DMD: variants seen among roughly 807,000 people sequenced by gnomAD.
DMD encodes the protein dystrophin, also known as mutant dystrophin.
In DMD, 63 loss-of-function variants were observed where a neutral mutation model predicts 330.1. The ratio of observed to expected loss-of-function variants is 0.19; its 90% CI spans 0.16 to 0.24. The LOEUF is 0.24. Ranked by LOEUF, DMD falls within the 10% of genes least tolerant of loss-of-function variation. The pLI is 1.00. For synonymous variants in DMD, 1,223 were observed against 959.8 expected (o/e 1.27, Z -5.07); for missense variants, 3,344 against 2,684.1 (o/e 1.25, Z -5.43).
intron 50 of DMD, among the ~76,000 whole-genome samples, chrX:31,803,553 G>A (rs755644078): frequency 1.4e-4 from 16 of 110,384 alleles, no homozygotes; most frequent in African/African-American, 4.6e-4. Context: ...CAGCACAATC[G>A]CCTCCATCTC....
At chrX:31,483,265 C>T (rs1317805132) in intron 57 of DMD, among the ~76,000 whole-genome samples, 1 of 109,281 alleles carries the variant, frequency 9.2e-6, no homozygotes, top group Non-Finnish European at 1.9e-5. Flanking sequence ...CCAGGATGGT[C>T]TCCATCTCCC....
chrX:31,861,619 T>A (rs2093700158), intron 48 of DMD, among the ~76,000 whole-genome samples: 1 of 95,582 alleles, frequency 1.0e-5, no homozygotes, highest in African/African-American at 3.8e-5. Flanking sequence ...CTTTAACTAC[T>A]AATACAGAAA....
At chrX:31,301,208 TC>T (rs1173886852) in intron 62 of DMD, among the ~76,000 whole-genome samples, 1 of 111,611 alleles carries the variant, frequency 9.0e-6, no homozygotes, top group Admixed American at 9.5e-5. Context: ...GGAGAAAGCC[TC>T]CCCAACACCC....
At chrX:32,809,175 G>A (rs184126253) in intron 7 of DMD, among the ~76,000 whole-genome samples, 2 of 111,701 alleles carry the variant, frequency 1.8e-5, no homozygotes, top group Admixed American at 9.5e-5. Flanking sequence ...GGTAGCATAA[G>A]CAAAACATTA....
At chrX:31,362,648 A>G (rs1009558049) in intron 60 of DMD, among the ~76,000 whole-genome samples, 11 of 113,141 alleles carry the variant, frequency 9.7e-5, no homozygotes, top group Non-Finnish European at 2.1e-4. Flanking sequence ...ATGAAGAAAT[A>G]AAACAACAGA....
intron 1 of DMD, among the ~76,000 whole-genome samples, chrX:33,235,921 T>A (rs934079837): frequency 7.7e-5 from 8 of 103,582 alleles, no homozygotes; most frequent in Admixed American, 1.0e-4. Context: ...TTATTATTTT[T>A]TTTTTTTTTT....
At chrX:33,041,675 A>C in intron 1 of DMD, 2 of 1,209,454 alleles carry the variant, frequency 1.7e-6, no homozygotes, top group Non-Finnish European at 1.1e-6. Context: ...GCTGAGGAAT[A>C]TAAAGAAGCA....
At position 32,777,285 on chromosome X, in the gene DMD, GAATCCTACCAAGCTA is replaced by G. The variant is rs1489162139; in HGVS notation, c.649+32193_649+32207del. Among the ~76,000 whole-genome samples, 9 of 52,751 alleles carry G rather than the reference GAATCCTACCAAGCTA, an allele frequency of 1.7e-4. No individual in the cohort carries two copies. The East Asian group carries it at 7.5e-3, about 44-fold the overall frequency. The allele number at this position is 52,751 out of a possible 115,157, so 45.8% of individuals were successfully genotyped here. A position where few individuals can be genotyped will look rare whatever the true frequency, so the allele number is the denominator to read the frequency against. Reference sequence around the variant, plus strand: ...TAAGTTTGGTTTCTGGTTGGGGGGGGAATCCTACCAAGCTAGGAAATTAATGGGAGGATGCAATTG... The same window carrying G: ...TAAGTTTGGTTTCTGGTTGGGGGGGGGGAAATTAATGGGAGGATGCAATTG... On this transcript the variant is annotated intron_variant, in intron 7 of 78. Coordinates refer to ENST00000357033, the MANE Select transcript of DMD (RefSeq NM_004006.3).
chrX:31,456,834 ATATGTGTGTGTGTG>A (rs1275873528), intron 59 of DMD, among the ~76,000 whole-genome samples: 4 of 67,082 alleles, frequency 6.0e-5, no homozygotes, highest in African/African-American at 1.8e-4. Flanking sequence ...GTGCCCACAT[ATATGTGTGTGTGTG>A]TGTGTGTGTG....
intron 60 of DMD, among the ~76,000 whole-genome samples, chrX:31,393,962 G>T (rs2060801303): frequency 8.9e-6 from 1 of 112,460 alleles, no homozygotes; most frequent in South Asian, 3.6e-4. Context: ...CTTACAAGAT[G>T]ATGATACTAT....
intron 44 of DMD, among the ~76,000 whole-genome samples, chrX:32,096,013 G>A (rs942988239): frequency 9.0e-6 from 1 of 111,006 alleles, no homozygotes; most frequent in Non-Finnish European, 1.9e-5. Context: ...CCATTAACTC[G>A]TCATTTACCA....
chrX:32,943,740 C>T (rs1028289740), intron 2 of DMD, among the ~76,000 whole-genome samples: 6 of 111,962 alleles, frequency 5.4e-5, no homozygotes, highest in Non-Finnish European at 1.1e-4. Flanking sequence ...TTGCAAACTG[C>T]TCTCATGAAA....
At chrX:31,253,133 C>T (rs753899056) in intron 63 of DMD, among the ~76,000 whole-genome samples, 1 of 112,161 alleles carries the variant, frequency 8.9e-6, no homozygotes, top group Non-Finnish European at 1.9e-5. Flanking sequence ...AAAACAAAAC[C>T]AGTCATTTAA....
At chrX:32,497,780 T>G (rs2148668044) in intron 19 of DMD, among the ~76,000 whole-genome samples, 1 of 111,549 alleles carries the variant, frequency 9.0e-6, no homozygotes, top group Non-Finnish European at 1.9e-5. Flanking sequence ...TATATTATTT[T>G]AGCCCTAGGT....
At chrX:31,905,051 A>T (rs1471688905) in intron 47 of DMD, among the ~76,000 whole-genome samples, 1 of 111,689 alleles carries the variant, frequency 9.0e-6, no homozygotes, top group Admixed American at 9.5e-5. Context: ...GCGAATTTTA[A>T]AGTTTCAATG....
intron 19 of DMD, among the ~76,000 whole-genome samples, chrX:32,496,692 A>G (rs187702173): frequency 1.3e-3 from 150 of 113,016 alleles, no homozygotes; most frequent in Non-Finnish European, 1.7e-3. Flanking sequence ...TCACCCGTGC[A>G]TGCACGCCGT....
At chrX:33,008,855 T>C (rs1481287370) in intron 2 of DMD, among the ~76,000 whole-genome samples, 1 of 61,535 alleles carries the variant, frequency 1.6e-5, no homozygotes, top group Admixed American at 1.7e-4. Flanking sequence ...TATGTATACG[T>C]GTATATATAC....
intron 9 of DMD, among the ~76,000 whole-genome samples, chrX:32,660,241 T>TAA (rs372260402): frequency 9.4e-6 from 1 of 106,270 alleles, no homozygotes; most frequent in Non-Finnish European, 2.0e-5. Context: ...TATTTTCAAG[T>TAA]AAAAAAAAAA....
At chrX:32,514,735 T>C (rs911836316) in intron 18 of DMD, among the ~76,000 whole-genome samples, 2 of 112,362 alleles carry the variant, frequency 1.8e-5, no homozygotes, top group Non-Finnish European at 3.8e-5. Flanking sequence ...CGAGACTCCG[T>C]CTCAAAAAAA....
Sources: gnomAD v4.1 joint callset for allele counts (sites outside exome capture counted in the v4.1 genomes callset) on GRCh38, gnomAD v4.1.1 for gene constraint, MANE v1.5 for transcripts, NCBI Gene and HGNC (gene_info 2026-07-23, HGNC 2026-07-21) for gene names.